Variants in SNX29 observed in about 807,000 individuals in gnomAD.
SNX29 encodes sorting nexin-29.
A neutral mutation model predicts 102.1 loss-of-function variants in SNX29; 78 were observed. That is an observed-to-expected ratio of 0.76 (90% CI 0.64 to 0.92). The LOEUF (loss-of-function observed/expected upper bound fraction) is 0.92, where lower values mean the gene tolerates loss of function less well. Among genes scored for constraint, SNX29 ranks in the 40% least tolerant of loss-of-function variants. The pLI is 0.00. For missense variants in SNX29, 1,280 were observed against 1,061.7 expected, an observed-to-expected ratio of 1.21 and a Z score of -2.86; for synonymous variants, 580 against 414.5, an observed-to-expected ratio of 1.40 and a Z score of -4.85.
intron 11 of SNX29, among the ~76,000 whole-genome samples, chr16:12,083,607 C>T (rs1411486290): frequency 6.6e-6 from 1 of 152,178 alleles, no homozygotes; most frequent in African/African-American, 2.4e-5. Flanking sequence ...AGGTCTTCCA[C>T]TGGTTCATTA....
intron 9 of SNX29, among the ~76,000 whole-genome samples, 199 bp downstream of exon 9, chr16:12,061,845 T>C (rs2050789511): frequency 6.6e-6 from 1 of 152,144 alleles, no homozygotes; most frequent in African/African-American, 2.4e-5. Flanking sequence ...CTGGGTATCC[T>C]GAGGTGCTCT....
At chr16:12,541,042 C>G (rs1455823428) in intron 20 of SNX29, among the ~76,000 whole-genome samples, 2 of 152,166 alleles carry the variant, frequency 1.3e-5, no homozygotes, top group Non-Finnish European at 2.9e-5. Context: ...TCTCTGTAGT[C>G]TGGCTGCTAT....
chr16:12,318,166 C>G (rs1157768345), intron 15 of SNX29, among the ~76,000 whole-genome samples: 1 of 152,228 alleles, frequency 6.6e-6, no homozygotes, highest in African/African-American at 2.4e-5. Flanking sequence ...GAGAGGGCGG[C>G]AGAGCCAGGA....
intron 13 of SNX29, among the ~76,000 whole-genome samples, chr16:12,197,094 C>T (rs7193997): frequency 0.67 from 101,450 of 151,896 alleles, 37,561 homozygotes; most frequent in South Asian, 0.82. Flanking sequence ...CCGCCAAACA[C>T]TGACATGACT....
chr16:12,555,669 G>A (rs142461161), intron 20 of SNX29, among the ~76,000 whole-genome samples: 50 of 151,964 alleles, frequency 3.3e-4, no homozygotes, highest in African/African-American at 5.6e-4. Context: ...ACTCCTGCAC[G>A]AAGTCTGAGA....
intron 11 of SNX29, among the ~76,000 whole-genome samples, chr16:12,080,227 A>G (rs775778549): frequency 5.9e-5 from 9 of 152,112 alleles, no homozygotes; most frequent in Admixed American, 1.3e-4. Context: ...ATAAAAAGGA[A>G]ATTAGTTTTT....
chr16:12,284,959 C>G (rs2079546037), intron 15 of SNX29, among the ~76,000 whole-genome samples: 1 of 152,182 alleles, frequency 6.6e-6, no homozygotes, highest in African/African-American at 2.4e-5. Flanking sequence ...CTCCTGACCT[C>G]AGGTGATCCA....
At chr16:12,065,239 TG>T (rs2050977880) in intron 9 of SNX29, among the ~76,000 whole-genome samples, 1 of 152,118 alleles carries the variant, frequency 6.6e-6, no homozygotes, top group Admixed American at 6.6e-5. Context: ...AAATGAGGAC[TG>T]GGGACCATGC....
intron 2 of SNX29, among the ~76,000 whole-genome samples, chr16:12,002,322 C>T (rs968137082): frequency 6.6e-6 from 1 of 152,018 alleles, no homozygotes. Flanking sequence ...GTGGCACATG[C>T]CTGTAATCCC....
At chr16:12,525,095 T>C (rs996753602) in intron 20 of SNX29, among the ~76,000 whole-genome samples, 1 of 152,104 alleles carries the variant, frequency 6.6e-6, no homozygotes, top group African/African-American at 2.4e-5. Flanking sequence ...AACTTGGGGC[T>C]CTGTGATTTT....
At chr16:12,557,945 G>T (rs141473995) in intron 20 of SNX29, among the ~76,000 whole-genome samples, 1 of 152,094 alleles carries the variant, frequency 6.6e-6, no homozygotes, top group African/African-American at 2.4e-5. Context: ...TTCATTCACC[G>T]CTTGCCCTGT....
chr16:12,035,188 C>T (rs187639921), intron 4 of SNX29, among the ~76,000 whole-genome samples: 8 of 150,398 alleles, frequency 5.3e-5, no homozygotes, highest in East Asian at 1.9e-4. Flanking sequence ...TTTAGAAGTC[C>T]GTCTTAGAAA....
intron 20 of SNX29, among the ~76,000 whole-genome samples, chr16:12,525,075 C>G (rs1567654099): frequency 1.3e-5 from 2 of 152,128 alleles, no homozygotes; most frequent in African/African-American, 4.8e-5. Flanking sequence ...TGACTTGAGG[C>G]TCACAAAGAA....
intron 10 of SNX29, among the ~76,000 whole-genome samples, chr16:12,074,457 G>A (rs1211795565): frequency 6.6e-6 from 1 of 151,996 alleles, no homozygotes; most frequent in Non-Finnish European, 1.5e-5. Flanking sequence ...ATGAAATTCT[G>A]GGTTGAAAAT....
chr16:12,537,327 C>CTGTT (rs562464232), intron 20 of SNX29, among the ~76,000 whole-genome samples: 145 of 152,332 alleles, frequency 9.5e-4, no homozygotes, highest in Non-Finnish European at 1.7e-3. Flanking sequence ...AGCCAAAGCT[C>CTGTT]TGTTAGTAAA....
intron 13 of SNX29, among the ~76,000 whole-genome samples, chr16:12,192,970 G>T (rs1278453178): frequency 6.6e-6 from 1 of 152,116 alleles, no homozygotes; most frequent in African/African-American, 2.4e-5. Flanking sequence ...CCAAAGTGCT[G>T]GGATTACAGG....
intron 13 of SNX29, among the ~76,000 whole-genome samples, chr16:12,166,929 C>T (rs890364067): frequency 1.3e-5 from 2 of 152,216 alleles, no homozygotes; most frequent in Non-Finnish European, 2.9e-5. Flanking sequence ...AGAAAATGCT[C>T]CGTCTTTGCT....
intron 1 of SNX29, among the ~76,000 whole-genome samples, chr16:11,992,267 C>A (rs922750642): frequency 1.2e-4 from 18 of 152,010 alleles, no homozygotes; most frequent in African/African-American, 4.3e-4. Context: ...GTACTTCAGC[C>A]TGGTTGACAG....
intron 15 of SNX29, among the ~76,000 whole-genome samples, chr16:12,332,140 T>G (rs1281091694): frequency 1.3e-5 from 2 of 152,156 alleles, no homozygotes; most frequent in East Asian, 3.9e-4. Flanking sequence ...TTATTAACAT[T>G]ATTACTATTA....
Sources: allele counts gnomAD v4.1 joint callset (sites outside exome capture counted in the v4.1 genomes callset), GRCh38; gene constraint gnomAD v4.1.1; transcripts MANE v1.5; gene names NCBI Gene and HGNC (gene_info 2026-07-23, HGNC 2026-07-21).